The following RELL1 variants were observed in gnomAD, a reference collection of about 807,000 sequenced individuals.
RELL1 encodes RELT-like protein 1.
Under a neutral mutation model 23.0 loss-of-function variants are expected in RELL1, and 10 were observed. The ratio of observed to expected loss-of-function variants is 0.43; its 90% CI spans 0.27 to 0.74. The LOEUF is 0.74. RELL1 is among the 30% of genes least tolerant of loss of function. The pLI, the probability that RELL1 is intolerant of heterozygous loss-of-function variation, is 0.19. For synonymous variants in RELL1, 146 were observed against 146.8 expected, an observed-to-expected ratio of 0.99 and a Z score of 0.04; for missense variants, 315 against 364.4, an observed-to-expected ratio of 0.86 and a Z score of 1.10.
At chr4:37,630,008 A>T (rs563722732) in intron 6 of RELL1, among the ~76,000 whole-genome samples, 10 of 152,322 alleles carry the variant, frequency 6.6e-5, no homozygotes, top group African/African-American at 2.4e-4. Flanking sequence ...AAGCTCAAGT[A>T]TCTTGCCCAG....
chr4:37,599,346 A>G (rs904716250), intron 6 of RELL1, among the ~76,000 whole-genome samples: 15 of 152,126 alleles, frequency 9.9e-5, no homozygotes, highest in Non-Finnish European at 1.9e-4. Context: ...GGGGCTAGGC[A>G]TTTTAAAGGG....
chr4:37,604,866 G>GACACACACACATAC (rs1719133810), intron 6 of RELL1, among the ~76,000 whole-genome samples: 1 of 56,804 alleles, frequency 1.8e-5, no homozygotes, highest in African/African-American at 5.1e-5. Context: ...CACACACACA[G>GACACACACACATAC]ACACACACAC....
chr4:37,642,523 G>A (rs1299913824), intron 3 of RELL1, among the ~76,000 whole-genome samples: 2 of 152,210 alleles, frequency 1.3e-5, no homozygotes, highest in Admixed American at 6.5e-5. Flanking sequence ...GTGCAGGTGT[G>A]GCATAATATG....
intron 6 of RELL1, among the ~76,000 whole-genome samples, chr4:37,603,080 A>G (rs1223458179): frequency 6.6e-6 from 1 of 152,212 alleles, no homozygotes; most frequent in Non-Finnish European, 1.5e-5. Context: ...GCTTTTGTTT[A>G]TTTATTCATT....
At chr4:37,615,523 G>A (rs931300577) in intron 6 of RELL1, among the ~76,000 whole-genome samples, 7 of 152,152 alleles carry the variant, frequency 4.6e-5, no homozygotes, top group Admixed American at 4.6e-4. Flanking sequence ...TGGGCACAGA[G>A]ACACCAGAAA....
chr4:37,682,894 C>T (rs2109320234), intron 1 of RELL1, among the ~76,000 whole-genome samples: 1 of 152,206 alleles, frequency 6.6e-6, no homozygotes, highest in East Asian at 1.9e-4. Context: ...GAGGGCTATG[C>T]CCACTGTCTG....
intron 3 of RELL1, among the ~76,000 whole-genome samples, chr4:37,646,274 GA>G (rs1720708792): frequency 6.6e-6 from 1 of 152,160 alleles, no homozygotes; most frequent in East Asian, 1.9e-4. Context: ...CTTTACTCAA[GA>G]TTAAATTAAT....
chr4:37,605,408 A>G (rs993336851), intron 6 of RELL1, among the ~76,000 whole-genome samples: 5 of 152,140 alleles, frequency 3.3e-5, no homozygotes, highest in African/African-American at 1.2e-4. Context: ...GGGCAAGGAA[A>G]ATACAAGACA....
In RELL1 at chr4:37,656,366, G is replaced by A. The variant is rs375673721; in HGVS notation, c.89-6866C>T. On this transcript the variant is annotated intron_variant, in intron 1 of 6. Transcript: ENST00000454158. ...GGGGCTGGGAGGGCAGGGGAATAGGGATAGTTGATGATCAACAGGCACAAA... is the reference window on the plus strand; with the variant it reads ...GGGGCTGGGAGGGCAGGGGAATAGGAATAGTTGATGATCAACAGGCACAAA... 6.7e-4 allele frequency among the ~76,000 whole-genome samples: 102 copies of A among 152,262 alleles called. 1 individual carries two copies. In the South Asian group the frequency reaches 0.02, roughly 29 times the overall value.
intron 1 of RELL1, among the ~76,000 whole-genome samples, chr4:37,667,001 AG>A (rs1316501647): frequency 2.6e-5 from 4 of 152,170 alleles, no homozygotes; most frequent in African/African-American, 9.7e-5. Context: ...CCTGGTGTGA[AG>A]TCCCCGCTAC....
chr4:37,636,822 T>C (rs1241567728), intron 4 of RELL1, among the ~76,000 whole-genome samples: 1 of 152,054 alleles, frequency 6.6e-6, no homozygotes, highest in Non-Finnish European at 1.5e-5. Flanking sequence ...GAGGCTGTGA[T>C]GGCAGAAACC....
chr4:37,632,449 C>T (rs972061296), intron 5 of RELL1, among the ~76,000 whole-genome samples: 29 of 152,312 alleles, frequency 1.9e-4, no homozygotes, highest in African/African-American at 6.7e-4. Context: ...GGATTATAGG[C>T]GTGAGCCACC....
exon 7 of RELL1, chr4:37,590,832 T>A (rs188080064): frequency 1.2e-6 from 2 of 1,614,134 alleles, no homozygotes; most frequent in East Asian, 4.5e-5. Context: ...ATGAGAAGGG[T>A]CCTGTTCATG....
At chr4:37,600,385 CCCA>C (rs1355218535) in intron 6 of RELL1, among the ~76,000 whole-genome samples, 2 of 152,032 alleles carry the variant, frequency 1.3e-5, no homozygotes, top group East Asian at 3.9e-4. Flanking sequence ...TTTGTTGCTA[CCCA>C]CCAAAGCTGT....
intron 1 of RELL1, among the ~76,000 whole-genome samples, chr4:37,660,743 G>C (rs1010835467): frequency 6.6e-6 from 1 of 152,126 alleles, no homozygotes; most frequent in Admixed American, 6.5e-5. Flanking sequence ...GTTAAAAACT[G>C]TTAAGAGGCC....
chr4:37,660,862 T>C (rs917506262), intron 1 of RELL1, among the ~76,000 whole-genome samples: 5 of 152,026 alleles, frequency 3.3e-5, no homozygotes, highest in African/African-American at 1.2e-4. Context: ...AAACCCCGTC[T>C]CTACTAAAAA....
chr4:37,683,806 G>A (rs1722300987), intron 1 of RELL1, among the ~76,000 whole-genome samples: 1 of 151,692 alleles, frequency 6.6e-6, no homozygotes, highest in African/African-American at 2.4e-5. Flanking sequence ...ATGCGGCCGG[G>A]CGCGGTGGCT....
Position 37,684,573 on chromosome 4 carries a change from C to T in RELL1, c.88+1627G>A, listed in dbSNP as rs555573225. Among the ~76,000 whole-genome samples, 10 of 152,314 alleles carry T rather than the reference C, an allele frequency of 6.6e-5. No homozygotes were observed. In the South Asian group the frequency reaches 1.4e-3, roughly 22 times the overall value. ...CAGATTCTGTTGCAACTGACTCTAA[C>T]CCTCTAATGAATGTCTCCAACCTCA... On this transcript the variant is annotated intron_variant, in intron 1 of 6. Transcript: ENST00000454158.
chr4:37,606,372 T>C (rs116226393), downstream of RELL1, among the ~76,000 whole-genome samples: 1,459 of 152,240 alleles, frequency 9.6e-3, 21 homozygotes, highest in African/African-American at 0.034. This position sits in a 1 kb window ranked among gnomAD's most constrained non-coding sequence, Gnocchi z 4.1. Flanking sequence ...GATCCACCAA[T>C]GGTTGGTGTG....
Sources: allele counts gnomAD v4.1 joint callset (sites outside exome capture counted in the v4.1 genomes callset), GRCh38; gene constraint gnomAD v4.1.1; non-coding constraint Gnocchi (gnomAD v3.1); transcripts MANE v1.5; gene names NCBI Gene and HGNC (gene_info 2026-07-23, HGNC 2026-07-21).